Variants in TRAF3IP1 observed in about 807,000 individuals in gnomAD.
TRAF3IP1 encodes intraflagellar transport 54.
Under a neutral mutation model 89.9 loss-of-function variants are expected in TRAF3IP1, and 53 were observed. The observed-to-expected ratio is 0.59, with a 90% CI of 0.47 to 0.74. The LOEUF is 0.74. Among genes scored for constraint, TRAF3IP1 ranks in the 30% least tolerant of loss-of-function variants. The pLI, the probability that TRAF3IP1 is intolerant of heterozygous loss-of-function variation, is 0.00. For synonymous variants in TRAF3IP1, 311 were observed against 322.1 expected (o/e 0.97, Z 0.37); for missense variants, 806 against 866.1 (o/e 0.93, Z 0.87).
Position 238,352,748 on chromosome 2 carries a change from C to T in TRAF3IP1, c.1452-79C>T, listed in dbSNP as rs975275627. 126 of 1,411,788 alleles carry T rather than the reference C, an allele frequency of 8.9e-5. No homozygotes were observed. The Middle Eastern group carries it at 1.3e-3, about 15-fold the overall frequency. 87.5% of individuals were successfully genotyped at this position (1,411,788 alleles called of 1,614,324 possible). ...GGTTGGTGATTAGATTCCTCTCTGC[C>T]GACCTCTGACACAGTTTCAGATGCT... On this transcript the variant is annotated intron_variant, in intron 12 of 16. Transcript: ENST00000373327.
At chr2:238,395,095 A>G (rs1701151901) in intron 15 of TRAF3IP1, among the ~76,000 whole-genome samples, 1 of 152,124 alleles carries the variant, frequency 6.6e-6, no homozygotes, top group South Asian at 2.1e-4. Flanking sequence ...GCAGGGCATG[A>G]TGGCTTACAT....
chr2:238,363,744 G>A (rs564668423), intron 15 of TRAF3IP1, among the ~76,000 whole-genome samples: 8 of 152,088 alleles, frequency 5.3e-5, no homozygotes, highest in Non-Finnish European at 1.2e-4. Context: ...GGCGGATCAC[G>A]AGGTCAGGAG....
chr2:238,395,607 T>G (rs1392116545), intron 15 of TRAF3IP1, among the ~76,000 whole-genome samples: 4 of 151,978 alleles, frequency 2.6e-5, no homozygotes, highest in Non-Finnish European at 5.9e-5. Flanking sequence ...CCTACAAAAT[T>G]AGAGAAAATT....
rs571493110 is a variant in TRAF3IP1, at chr2:238,355,535, G to A, written c.1613-469G>A. Among the ~76,000 whole-genome samples, 8 of 152,344 alleles carry A rather than the reference G, an allele frequency of 5.3e-5. No individual in the cohort carries two copies. In the South Asian group the frequency reaches 6.2e-4, roughly 12 times the overall value. On this transcript the variant is annotated intron_variant, in intron 14 of 16. Transcript: ENST00000373327. Reference sequence around the variant, plus strand: ...TACCCTCGTTTATTCAGTCAGCCTCGGGCTGATGTATGCTTGGGTGAAACA... The same window carrying A: ...TACCCTCGTTTATTCAGTCAGCCTCAGGCTGATGTATGCTTGGGTGAAACA...
At chr2:238,392,041 G>T (rs574919029) in intron 15 of TRAF3IP1, among the ~76,000 whole-genome samples, 1 of 152,058 alleles carries the variant, frequency 6.6e-6, no homozygotes, top group Non-Finnish European at 1.5e-5. Context: ...GAAATTAAAC[G>T]TTTGATATAA....
At chr2:238,393,250 G>A (rs1468327480) in intron 15 of TRAF3IP1, among the ~76,000 whole-genome samples, 2 of 152,238 alleles carry the variant, frequency 1.3e-5, no homozygotes, top group East Asian at 3.9e-4. Flanking sequence ...GTGTGGTGAT[G>A]GCTCATTGTG....
chr2:238,384,370 ATGTATGTATG>A (rs1242773684), intron 15 of TRAF3IP1, among the ~76,000 whole-genome samples: 17 of 128,346 alleles, frequency 1.3e-4, no homozygotes, highest in Non-Finnish European at 1.9e-4. Flanking sequence ...GTATGTATGT[ATGTATGTATG>A]TATATATATA....
intron 15 of TRAF3IP1, among the ~76,000 whole-genome samples, chr2:238,358,810 A>G (rs980552057): frequency 1.3e-5 from 2 of 152,176 alleles, no homozygotes; most frequent in Non-Finnish European, 2.9e-5. Context: ...TAATTACTCT[A>G]TTGATGGACA....
intron 15 of TRAF3IP1, among the ~76,000 whole-genome samples, chr2:238,370,098 T>C (rs948171368): frequency 3.3e-5 from 5 of 152,168 alleles, no homozygotes; most frequent in Non-Finnish European, 7.3e-5. Flanking sequence ...TTGCCACTTT[T>C]GGAGGTTCAG....
chr2:238,386,846 A>G (rs1422610249), intron 15 of TRAF3IP1, among the ~76,000 whole-genome samples: 2 of 152,124 alleles, frequency 1.3e-5, no homozygotes, highest in African/African-American at 4.8e-5. Flanking sequence ...CTTAACACAT[A>G]ATTCTAAGAG....
intron 15 of TRAF3IP1, among the ~76,000 whole-genome samples, chr2:238,357,712 C>T (rs547257422): frequency 1.2e-4 from 19 of 152,156 alleles, no homozygotes; most frequent in Non-Finnish European, 2.1e-4. Context: ...GAGGGGTTGT[C>T]CTGGTGTCCC....
At chr2:238,365,160 A>G (rs1699821556) in intron 15 of TRAF3IP1, among the ~76,000 whole-genome samples, 1 of 152,226 alleles carries the variant, frequency 6.6e-6, no homozygotes, top group South Asian at 2.1e-4. Flanking sequence ...TGATAGGAAT[A>G]GATCCTCAAA....
chr2:238,381,648 C>T (rs4663885), intron 15 of TRAF3IP1, among the ~76,000 whole-genome samples: 2 of 152,188 alleles, frequency 1.3e-5, no homozygotes, highest in Non-Finnish European at 2.9e-5. Flanking sequence ...GGCCACTGCC[C>T]TGCACTTGTC....
At chr2:238,392,243 T>A (rs1701024462) in intron 15 of TRAF3IP1, among the ~76,000 whole-genome samples, 2 of 152,202 alleles carry the variant, frequency 1.3e-5, no homozygotes, top group South Asian at 4.1e-4. Context: ...AGATATACTG[T>A]ATGCCTTTTG....
intron 15 of TRAF3IP1, among the ~76,000 whole-genome samples, chr2:238,367,580 C>G (rs979820091): frequency 6.6e-6 from 1 of 152,190 alleles, no homozygotes; most frequent in East Asian, 1.9e-4. Flanking sequence ...TCTTGCTCCT[C>G]GTGGGACTGA....
chr2:238,398,289 G>C (rs1181031820), intron 16 of TRAF3IP1, among the ~76,000 whole-genome samples: 2 of 128,852 alleles, frequency 1.6e-5, no homozygotes, highest in African/African-American at 5.9e-5. Flanking sequence ...AGCGGAGTGG[G>C]GGGAGTAATG....
At position 238,320,720 on chromosome 2, in the gene TRAF3IP1, C is replaced by T. The variant is rs1211258129; in HGVS notation, c.58C>T (p.Pro20Ser). ...QEALGKVIRR[P>S]PLTEKLLSKP... ...GGCGCTGGGGAAAGTGATTCGGAGG[C>T]CGCCGCTGACCGAGAAGCTGCTGAG... Residue 20 changes from proline to serine, a missense_variant, in exon 1 of 17, where the codon CCG becomes TCG. Pro to Ser is a moderately conservative substitution (Grantham distance 74). This residue lies in a region of TRAF3IP1 where 732 missense variants were observed against 780.5 expected (regional missense o/e 0.94). Coordinates refer to ENST00000373327, the MANE Select transcript of TRAF3IP1 (RefSeq NM_015650.4). The T allele has an allele frequency of 6.9e-6, 10 of 1,449,572 alleles. No individual in the cohort carries two copies. Among genetic ancestry groups the T allele is most frequent in the Non-Finnish European group, 9.2e-6 (10 of 1,090,116 alleles). 89.8% of individuals were successfully genotyped at this position (1,449,572 alleles called of 1,614,324 possible).
intron 14 of TRAF3IP1, among the ~76,000 whole-genome samples, chr2:238,355,512 C>T (rs555111880): frequency 6.6e-6 from 1 of 152,366 alleles, no homozygotes; most frequent in South Asian, 2.1e-4. Context: ...TGTGGACGTA[C>T]CCTCGTTTAT....
intron 1 of TRAF3IP1, among the ~76,000 whole-genome samples, chr2:238,321,017 G>C (rs1697507576): frequency 6.6e-6 from 1 of 152,052 alleles, no homozygotes; most frequent in Non-Finnish European, 1.5e-5. Flanking sequence ...CGGGCACAGG[G>C]TGCGGGTCGG....
Sources: gnomAD v4.1 joint callset for allele counts (sites outside exome capture counted in the v4.1 genomes callset) on GRCh38, gnomAD v4.1.1 for gene constraint, gnomAD v4.1.1 regional missense constraint, MANE v1.5 for transcripts, NCBI Gene and HGNC (gene_info 2026-07-23, HGNC 2026-07-21) for gene names.